STXBP5: variants seen among roughly 807,000 people sequenced by gnomAD.
STXBP5 encodes the protein syntaxin binding protein 5, also known as syntaxin-binding protein 5.
In STXBP5, 50 loss-of-function variants were observed where a neutral mutation model predicts 152.4. That is an observed-to-expected ratio of 0.33 (90% CI 0.26 to 0.42). The LOEUF is 0.42. STXBP5 is among the 10% of genes least tolerant of loss of function. The pLI, the probability that STXBP5 is intolerant of heterozygous loss-of-function variation, is 1.00. For missense variants in STXBP5, 1,167 were observed against 1,388.6 expected, an observed-to-expected ratio of 0.84 and a Z score of 2.54; for synonymous variants, 492 against 494.7, an observed-to-expected ratio of 0.99 and a Z score of 0.07.
Position 147,316,334 on chromosome 6 carries a change from A to G in STXBP5, c.1729A>G (p.Ile577Val). Residue 577 changes from isoleucine to valine, a missense_variant, in exon 16 of 28, where the codon ATC becomes GTC. Ile to Val is a conservative substitution (Grantham distance 29, BLOSUM62 3). This residue lies in a region of STXBP5 where 833 missense variants were observed against 986.3 expected (regional missense o/e 0.84). Coordinates refer to ENST00000321680, the MANE Select transcript of STXBP5 (RefSeq NM_001127715.4). ...CGTGGGAGGGTCCAACCCTCAGCCC[A>G]TCCCTCCTCAGTCTCATCCATCTAC... ...TPVGGSNPQP[I>V]PPQSHPSTSS... The G allele has an allele frequency of 3.7e-6, 6 of 1,612,670 alleles. No individual in the cohort carries two copies. The highest frequency in any genetic ancestry group is 2.2e-5 in the East Asian group (1 of 44,776).
intron 4 of STXBP5, among the ~76,000 whole-genome samples, chr6:147,252,970 A>G (rs1297497360): frequency 6.6e-6 from 1 of 152,188 alleles, no homozygotes; most frequent in Non-Finnish European, 1.5e-5. Context: ...GAGGCCAGCC[A>G]TCACCCTGAT....
At chr6:147,360,878 C>G (rs148855134) in intron 23 of STXBP5, among the ~76,000 whole-genome samples, 276 of 152,258 alleles carry the variant, frequency 1.8e-3, no homozygotes, top group African/African-American at 6.5e-3. Context: ...GCTTGTAAAT[C>G]TATCTCTTGT....
At chr6:147,238,855 T>C (rs189938139) in intron 3 of STXBP5, among the ~76,000 whole-genome samples, 244 of 152,318 alleles carry the variant, frequency 1.6e-3, no homozygotes, top group Non-Finnish European at 2.6e-3. Flanking sequence ...CAAAGTAACT[T>C]ACAGTCTGAC....
At chr6:147,277,575 CT>C (rs1780505092) in intron 7 of STXBP5, among the ~76,000 whole-genome samples, 1 of 152,002 alleles carries the variant, frequency 6.6e-6, no homozygotes, top group South Asian at 2.1e-4. Context: ...TAAAAATTGC[CT>C]CAGTAATTAC....
At chr6:147,258,122 G>C (rs1017289496) in intron 4 of STXBP5, among the ~76,000 whole-genome samples, 9 of 152,156 alleles carry the variant, frequency 5.9e-5, no homozygotes, top group Admixed American at 6.5e-5. Context: ...CTATGCCTGT[G>C]GCACAACTGC....
At chr6:147,271,802 C>G (rs1453227513) in intron 7 of STXBP5, among the ~76,000 whole-genome samples, 1 of 151,602 alleles carries the variant, frequency 6.6e-6, no homozygotes, top group Non-Finnish European at 1.5e-5. Flanking sequence ...AAATAGCTAA[C>G]AGAAAAATAG....
chr6:147,319,406 AT>A (rs1440202205), intron 16 of STXBP5, among the ~76,000 whole-genome samples: 1 of 152,222 alleles, frequency 6.6e-6, no homozygotes, highest in African/African-American at 2.4e-5. Flanking sequence ...CACTAGATGA[AT>A]AGTAAAATAT....
chr6:147,253,746 A>G (rs1779216686), intron 4 of STXBP5, among the ~76,000 whole-genome samples: 1 of 152,210 alleles, frequency 6.6e-6, no homozygotes, highest in East Asian at 1.9e-4. Flanking sequence ...AAGGGATGTG[A>G]AAGACCTCTT....
intron 2 of STXBP5, among the ~76,000 whole-genome samples, chr6:147,213,168 A>G (rs750029710): frequency 1.6e-4 from 25 of 152,154 alleles, no homozygotes; most frequent in Non-Finnish European, 3.1e-4. Context: ...TAACTGGACT[A>G]TAGGTTTGAG....
chr6:147,349,848 CTG>C (rs1274843368), intron 21 of STXBP5, among the ~76,000 whole-genome samples: 3 of 152,240 alleles, frequency 2.0e-5, no homozygotes, highest in East Asian at 1.9e-4. Context: ...GGCCTTAACT[CTG>C]TATTTTTAAA....
intron 2 of STXBP5, 33 bp from the exon 3 acceptor site, chr6:147,235,217 A>C: frequency 6.2e-7 from 1 of 1,600,392 alleles, no homozygotes; most frequent in African/African-American, 1.3e-5. Context: ...AACCGAACAA[A>C]TACCATAAAC....
At chr6:147,233,924 A>G (rs1233188965) in intron 2 of STXBP5, among the ~76,000 whole-genome samples, 1 of 150,566 alleles carries the variant, frequency 6.6e-6, no homozygotes, top group Non-Finnish European at 1.5e-5. Context: ...AGGTGTTTAA[A>G]GAGTAGGATA....
At chr6:147,235,360 T>A (rs1303380237) in intron 3 of STXBP5, 29 bp downstream of exon 3, 1 of 1,587,022 alleles carries the variant, frequency 6.3e-7, no homozygotes. Flanking sequence ...TCATTTCTAC[T>A]TATATCCAAA....
chr6:147,379,256 A>T (rs1301408177), intron 26 of STXBP5, among the ~76,000 whole-genome samples: 1 of 152,110 alleles, frequency 6.6e-6, no homozygotes, highest in Non-Finnish European at 1.5e-5. Flanking sequence ...GGTTCCAGGG[A>T]TTAGAATGTA....
intron 26 of STXBP5, among the ~76,000 whole-genome samples, chr6:147,374,057 T>C (rs976931488): frequency 6.6e-6 from 1 of 152,218 alleles, no homozygotes; most frequent in Non-Finnish European, 1.5e-5. Flanking sequence ...AGAATAACTT[T>C]TGATTACTAA....
intron 9 of STXBP5, chr6:147,292,158 C>A (rs1781310456): frequency 2.2e-5 from 9 of 408,884 alleles, no homozygotes; most frequent in South Asian, 1.6e-4. Flanking sequence ...TTTTTAATCT[C>A]CCCTCCCATT....
chr6:147,215,547 ATTTTTGTATT>A (rs1039439788), intron 2 of STXBP5, among the ~76,000 whole-genome samples: 1 of 151,832 alleles, frequency 6.6e-6, no homozygotes, highest in Non-Finnish European at 1.5e-5. Context: ...CGCCTGGCTA[ATTTTTGTATT>A]TTTTTGTAGA....
intron 2 of STXBP5, among the ~76,000 whole-genome samples, chr6:147,207,584 G>A (rs1776635820): frequency 6.6e-6 from 1 of 152,148 alleles, no homozygotes. Flanking sequence ...TATTTTGTCA[G>A]TGTGGGCCCT....
intron 4 of STXBP5, 114 bp from the exon 5 acceptor site, chr6:147,260,501 A>G: frequency 8.7e-7 from 1 of 1,144,924 alleles, no homozygotes; most frequent in Non-Finnish European, 1.3e-6. Flanking sequence ...AAATCTGATG[A>G]TTATATACCA....
Sources: gnomAD v4.1 joint callset for allele counts (sites outside exome capture counted in the v4.1 genomes callset) on GRCh38, gnomAD v4.1.1 for gene constraint, gnomAD v4.1.1 regional missense constraint, MANE v1.5 for transcripts, NCBI Gene and HGNC (gene_info 2026-07-23, HGNC 2026-07-21) for gene names.